Variants in DLG2 observed in about 807,000 individuals in gnomAD.
The protein encoded by DLG2 is discs large MAGUK scaffold protein 2, also known as disks large homolog 2.
DLG2 carries 45 observed loss-of-function variants against 132.5 expected under a neutral mutation model. The ratio of observed to expected loss-of-function variants is 0.34; its 90% CI spans 0.27 to 0.44. The LOEUF (loss-of-function observed/expected upper bound fraction) is 0.44, where lower values mean the gene tolerates loss of function less well. Among genes scored for constraint, DLG2 ranks in the 20% least tolerant of loss-of-function variants. The pLI, the probability that DLG2 is intolerant of heterozygous loss-of-function variation, is 1.00. For missense variants in DLG2, 1,045 were observed against 1,196.9 expected, an observed-to-expected ratio of 0.87 and a Z score of 1.87; for synonymous variants, 424 against 419.6, an observed-to-expected ratio of 1.01 and a Z score of -0.13.
chr11:84,151,677 A>T (rs1261100772), intron 9 of DLG2, among the ~76,000 whole-genome samples: 1 of 152,230 alleles, frequency 6.6e-6, no homozygotes, highest in Non-Finnish European at 1.5e-5. Flanking sequence ...TGATGTAGGC[A>T]TTTAATGCTA....
intron 3 of DLG2, among the ~76,000 whole-genome samples, chr11:85,463,049 C>T (rs547457431): frequency 6.6e-6 from 1 of 152,190 alleles, no homozygotes; most frequent in African/African-American, 2.4e-5. Context: ...ACCAACCATA[C>T]CAGAACCTTG....
intron 3 of DLG2, among the ~76,000 whole-genome samples, chr11:85,549,369 C>T (rs2076527837): frequency 6.6e-6 from 1 of 152,178 alleles, no homozygotes; most frequent in African/African-American, 2.4e-5. Flanking sequence ...ATGCAGAAAT[C>T]ACCCGCCTTC....
chr11:84,146,600 T>A (rs899541011), intron 9 of DLG2, among the ~76,000 whole-genome samples: 8 of 152,270 alleles, frequency 5.3e-5, no homozygotes, highest in African/African-American at 1.9e-4. Flanking sequence ...ATCTATGCAA[T>A]GCAACATTTA....
intron 3 of DLG2, among the ~76,000 whole-genome samples, chr11:85,368,878 C>G (rs1026679813): frequency 2.0e-5 from 3 of 152,210 alleles, no homozygotes; most frequent in African/African-American, 4.8e-5. Context: ...GAGACTGACC[C>G]CTTTTCTTCC....
intron 19 of DLG2, among the ~76,000 whole-genome samples, chr11:83,620,894 A>AAAAAAAAAAAAAG (rs2061536067): frequency 6.7e-6 from 1 of 150,124 alleles, no homozygotes; most frequent in African/African-American, 2.5e-5. Flanking sequence ...AAAAAAAAAA[A>AAAAAAAAAAAAAG]TGCATTCCTA....
At position 85,287,736 on chromosome 11, in the gene DLG2, C is replaced by T. The variant is rs2078647903; in HGVS notation, c.41-2371G>A. Among the ~76,000 whole-genome samples, 5 of 151,988 alleles carry T rather than the reference C, an allele frequency of 3.3e-5. No homozygotes were observed. In the South Asian group the frequency reaches 1.0e-3, roughly 32 times the overall value. ...TACAGTAGCAAACATTAGAAACATT[C>T]CAATGTCCATCAAAAGTGAAATAGA... is the stretch of plus-strand genomic sequence containing the variant. On this transcript the variant is annotated intron_variant, in intron 3 of 27. Transcript: ENST00000376104.
chr11:84,931,737 T>C (rs1191156080), intron 6 of DLG2, among the ~76,000 whole-genome samples: 2 of 152,164 alleles, frequency 1.3e-5, no homozygotes, highest in South Asian at 2.1e-4. Flanking sequence ...CTCCTAGCAA[T>C]AGTGTATGTG....
chr11:84,317,110 G>A (rs749250919), intron 7 of DLG2: 5 of 1,612,700 alleles, frequency 3.1e-6, no homozygotes, highest in Non-Finnish European at 3.4e-6. Flanking sequence ...CGGACCCCCG[G>A]CTGCAGCTGT....
intron 19 of DLG2, among the ~76,000 whole-genome samples, chr11:83,619,802 C>T (rs1454721798): frequency 1.3e-5 from 2 of 152,004 alleles, no homozygotes; most frequent in Non-Finnish European, 2.9e-5. Flanking sequence ...AGAAACTCCC[C>T]ACTCATCTGG....
intron 7 of DLG2, among the ~76,000 whole-genome samples, chr11:84,464,338 A>G (rs529040284): frequency 6.6e-6 from 1 of 151,350 alleles, no homozygotes; most frequent in East Asian, 2.0e-4. Flanking sequence ...GATGCTGGGT[A>G]CATTCAGCTT....
intron 6 of DLG2, among the ~76,000 whole-genome samples, chr11:84,772,373 A>G (rs1197038974): frequency 7.2e-6 from 1 of 139,104 alleles, no homozygotes; most frequent in East Asian, 1.9e-4. Flanking sequence ...CACTGACAGC[A>G]TTAGATAGAT....
At chr11:84,142,319 CAAAAAAAA>C (rs71066094) in intron 9 of DLG2, among the ~76,000 whole-genome samples, 1 of 86,890 alleles carries the variant, frequency 1.2e-5, no homozygotes, top group Non-Finnish European at 2.4e-5. Flanking sequence ...GAATCCATCT[CAAAAAAAA>C]AAAAAAAAAA....
At chr11:85,042,931 C>T (rs2154150610) in intron 6 of DLG2, among the ~76,000 whole-genome samples, 1 of 151,990 alleles carries the variant, frequency 6.6e-6, no homozygotes, top group South Asian at 2.1e-4. Context: ...TTTGTATCTA[C>T]TGTTGATAGT....
intron 15 of DLG2, among the ~76,000 whole-genome samples, chr11:83,877,394 A>G (rs11600512): frequency 0.2 from 30,430 of 151,984 alleles, 3,198 homozygotes; most frequent in East Asian, 0.37. Context: ...AGGCAGCTCA[A>G]TTATGGTCAC....
intron 11 of DLG2, among the ~76,000 whole-genome samples, chr11:84,010,726 T>C (rs2094842035): frequency 6.6e-6 from 1 of 152,148 alleles, no homozygotes; most frequent in African/African-American, 2.4e-5. Context: ...AGTTTTAAAT[T>C]TGATACCAAT....
Position 84,501,614 on chromosome 11 carries a change from A to G in DLG2, c.519+32956T>C, listed in dbSNP as rs544190275. ...TACCCATTATGGAATTAGAATACAAATACTTTGCTTACATCGTTGAGATTT... is the reference window on the plus strand; with the variant it reads ...TACCCATTATGGAATTAGAATACAAGTACTTTGCTTACATCGTTGAGATTT... On this transcript the variant is annotated intron_variant, in intron 7 of 27. Transcript: ENST00000376104. Among the ~76,000 whole-genome samples the G allele has an allele frequency of 7.2e-5, 11 of 152,312 alleles. 1 individual carries two copies. The South Asian group carries it at 2.3e-3, about 32-fold the overall frequency.
intron 8 of DLG2, among the ~76,000 whole-genome samples, chr11:84,237,689 T>C (rs1359477863): frequency 6.6e-6 from 1 of 152,180 alleles, no homozygotes; most frequent in Non-Finnish European, 1.5e-5. Context: ...ACTTGGAACT[T>C]CCAAGTGACA....
At chr11:84,317,549 A>G (rs1458579898) in intron 7 of DLG2, among the ~76,000 whole-genome samples, 1 of 152,190 alleles carries the variant, frequency 6.6e-6, no homozygotes, top group African/African-American at 2.4e-5. Flanking sequence ...CGATCCCCAC[A>G]CAAAATACAA....
chr11:83,459,911 T>A lies in DLG2; in HGVS notation c.2835A>T (p.Gly945=). 1 of 1,586,830 alleles carries A rather than the reference T, an allele frequency of 6.3e-7. No homozygotes were observed. Among genetic ancestry groups the A allele is most frequent in the Non-Finnish European group, 8.6e-7 (1 of 1,156,254 alleles). The change falls in exon 28 of 28, where the codon GGA becomes GGT. Residue 945 remains glycine (G), a synonymous_variant. Coordinates refer to ENST00000376104, the MANE Select transcript of DLG2 (RefSeq NM_001142699.3). ...GGTTATATATATCTTCTAAAGTATCTCCTTGGACAATAGCTGTAACAAAAG... is the reference window on the plus strand; with the variant it reads ...GGTTATATATATCTTCTAAAGTATCACCTTGGACAATAGCTGTAACAAAAG... ...FGEYFTAIVQ[G]DTLEDIYNQC... is the part of the protein sequence containing the mutation.
Sources: gnomAD v4.1 joint callset for allele counts (sites outside exome capture counted in the v4.1 genomes callset) on GRCh38, gnomAD v4.1.1 for gene constraint, MANE v1.5 for transcripts, NCBI Gene and HGNC (gene_info 2026-07-23, HGNC 2026-07-21) for gene names.